PDE1A: variants seen among roughly 807,000 people sequenced by gnomAD.
PDE1A encodes phosphodiesterase 1A, also known as dual specificity calcium/calmodulin-dependent 3',5'-cyclic nucleotide phosphodiesterase 1A.
A neutral mutation model predicts 61.7 loss-of-function variants in PDE1A; 35 were observed. The observed-to-expected ratio is 0.57, with a 90% confidence interval of 0.43 to 0.75. PDE1A has a LOEUF of 0.75. Among genes scored for constraint, PDE1A ranks in the 30% least tolerant of loss-of-function variants. The pLI, the probability that PDE1A is intolerant of heterozygous loss-of-function variation, is 0.00. For missense variants in PDE1A, 597 were observed against 630.6 expected, an observed-to-expected ratio of 0.95 and a Z score of 0.57; for synonymous variants, 232 against 213.2, an observed-to-expected ratio of 1.09 and a Z score of -0.77.
At chr2:182,336,652 A>G (rs1408589572) in intron 1 of PDE1A, among the ~76,000 whole-genome samples, 2 of 152,064 alleles carry the variant, frequency 1.3e-5, no homozygotes, top group African/African-American at 4.8e-5. Context: ...TAGCATTAGG[A>G]GAAATACCTA....
intron 1 of PDE1A, among the ~76,000 whole-genome samples, chr2:182,397,401 T>C (rs1430158): frequency 0.31 from 47,201 of 152,000 alleles, 8,089 homozygotes; most frequent in East Asian, 0.66. Flanking sequence ...AAACACCATT[T>C]ATATGACACA....
the PDE1A span, among the ~76,000 whole-genome samples, chr2:182,537,161 T>C: frequency 2.6e-4 from 40 of 152,318 alleles, no homozygotes; most frequent in African/African-American, 9.4e-4. Flanking sequence ...ACTGCTTACA[T>C]AGCCATACCA....
At chr2:182,392,204 G>A (rs1360005268) in intron 1 of PDE1A, among the ~76,000 whole-genome samples, 1 of 152,198 alleles carries the variant, frequency 6.6e-6, no homozygotes, top group Non-Finnish European at 1.5e-5. Flanking sequence ...CCATATGGCT[G>A]AAGTGGTCTC....
the PDE1A span, among the ~76,000 whole-genome samples, chr2:182,551,699 G>A: frequency 1.2e-4 from 19 of 152,266 alleles, no homozygotes; most frequent in East Asian, 7.7e-4. Flanking sequence ...TGTGGTGACC[G>A]GTATGAACAG....
intron 1 of PDE1A, among the ~76,000 whole-genome samples, chr2:182,276,743 A>G (rs1036935667): frequency 6.6e-6 from 1 of 152,070 alleles, no homozygotes; most frequent in African/African-American, 2.4e-5. Flanking sequence ...ACAGAGGTGC[A>G]AGTAGGGAAG....
At chr2:182,407,010 T>A (rs1574577312) in intron 1 of PDE1A, among the ~76,000 whole-genome samples, 1 of 152,156 alleles carries the variant, frequency 6.6e-6, no homozygotes, top group Non-Finnish European at 1.5e-5. Flanking sequence ...TATAGCGAGA[T>A]TTATCAATCT....
chr2:182,667,453 G>C, the PDE1A span, among the ~76,000 whole-genome samples: 1 of 152,162 alleles, frequency 6.6e-6, no homozygotes, highest in African/African-American at 2.4e-5. Flanking sequence ...TTACATATGA[G>C]AGCCACTACA....
chr2:182,516,765 G>GAAAGAAAGAAAGAAAGAA (rs1174919691), intron 2 of PDE1A, among the ~76,000 whole-genome samples: 57 of 120,582 alleles, frequency 4.7e-4, no homozygotes, highest in Non-Finnish European at 1.9e-4. Context: ...GAAAGAAAAA[G>GAAAGAAAGAAAGAAAGAA]AAAGAAAGAA....
the PDE1A span, among the ~76,000 whole-genome samples, chr2:182,667,222 A>G: frequency 6.6e-6 from 1 of 152,328 alleles, no homozygotes; most frequent in East Asian, 1.9e-4. Flanking sequence ...ATTTCTGGTA[A>G]CCACATGGTC....
chr2:182,398,305 A>C (rs1216137897), intron 1 of PDE1A, among the ~76,000 whole-genome samples: 2 of 151,980 alleles, frequency 1.3e-5, no homozygotes, highest in African/African-American at 2.4e-5. Context: ...GTCAACGTTA[A>C]ATATACAACT....
chr2:182,396,204 C>A (rs116638194), intron 1 of PDE1A, among the ~76,000 whole-genome samples: 4 of 152,182 alleles, frequency 2.6e-5, no homozygotes, highest in African/African-American at 9.7e-5. Flanking sequence ...TTCTGCATGA[C>A]GTGCAGGCAC....
At chr2:182,196,006 TAAG>T (rs1226667541) in intron 10 of PDE1A, among the ~76,000 whole-genome samples, 4 of 152,098 alleles carry the variant, frequency 2.6e-5, no homozygotes, top group Non-Finnish European at 5.9e-5. Context: ...GCAGTATGAC[TAAG>T]AATAAGTGAG....
At chr2:182,665,820 C>T in the PDE1A span, among the ~76,000 whole-genome samples, 6 of 152,072 alleles carry the variant, frequency 3.9e-5, no homozygotes, top group East Asian at 1.9e-4. Context: ...TCAACCCAAA[C>T]GCCCATTAAT....
intron 2 of PDE1A, among the ~76,000 whole-genome samples, chr2:182,462,248 T>C (rs569317061): frequency 2.6e-5 from 4 of 152,058 alleles, no homozygotes; most frequent in East Asian, 1.9e-4. Flanking sequence ...GGCACATGTA[T>C]ACATATGTAA....
chr2:182,246,918 A>G (rs1466206044), intron 2 of PDE1A, among the ~76,000 whole-genome samples: 1 of 152,332 alleles, frequency 6.6e-6, no homozygotes, highest in East Asian at 1.9e-4. Flanking sequence ...ATATATATCC[A>G]CTGAATGGCT....
intron 2 of PDE1A, among the ~76,000 whole-genome samples, chr2:182,473,007 A>G (rs1687132456): frequency 1.3e-5 from 2 of 151,414 alleles, no homozygotes; most frequent in South Asian, 2.1e-4. Flanking sequence ...ACATGTGCAC[A>G]ATGTGCAAGT....
At chr2:182,354,112 G>T (rs1175751424) in intron 1 of PDE1A, among the ~76,000 whole-genome samples, 3 of 152,050 alleles carry the variant, frequency 2.0e-5, no homozygotes, top group Non-Finnish European at 4.4e-5. Flanking sequence ...AGAACCCCCT[G>T]CCAATCTTCA....
the PDE1A span, among the ~76,000 whole-genome samples, chr2:182,599,568 T>C: frequency 1.3e-5 from 2 of 152,230 alleles, no homozygotes; most frequent in African/African-American, 4.8e-5. Flanking sequence ...ACAATGTGCT[T>C]CTCTGTGTTA....
intron 6 of PDE1A, among the ~76,000 whole-genome samples, chr2:182,226,706 C>G (rs544617138): frequency 6.7e-6 from 1 of 149,884 alleles, no homozygotes; most frequent in African/African-American, 2.5e-5. Context: ...ATCCAAGGTT[C>G]TTCTGATTCC....
Sources: gnomAD v4.1 joint callset for allele counts (sites outside exome capture counted in the v4.1 genomes callset) on GRCh38, gnomAD v4.1.1 for gene constraint, MANE v1.5 for transcripts, NCBI Gene and HGNC (gene_info 2026-07-23, HGNC 2026-07-21) for gene names.